ANKRD26: variants seen among roughly 807,000 people sequenced by gnomAD.
The protein encoded by ANKRD26 is ankyrin repeat domain 26, also known as ankyrin repeat domain-containing protein 26.
ANKRD26 carries 141 observed loss-of-function variants against 208.7 expected under a neutral mutation model. That is an observed-to-expected ratio of 0.68 (90% confidence interval 0.59 to 0.78). The LOEUF (loss-of-function observed/expected upper bound fraction) is 0.78, where lower values mean the gene tolerates loss of function less well. ANKRD26 is among the 30% of genes least tolerant of loss of function. The pLI is 0.00. For missense variants in ANKRD26, 1,889 were observed against 1,938.7 expected (o/e 0.97, Z 0.48); for synonymous variants, 636 against 660.4 (o/e 0.96, Z 0.57).
At chr10:27,001,674 C>T (rs1298211160), downstream of ANKRD26, among the ~76,000 whole-genome samples, 1 of 152,176 alleles carries the variant, frequency 6.6e-6, no homozygotes, top group Admixed American at 6.5e-5. Flanking sequence ...GCCATGTTGC[C>T]TGTTCCTTTA....
chr10:27,098,179 C>G (rs1202792001), intron 1 of ANKRD26, among the ~76,000 whole-genome samples: 2 of 151,060 alleles, frequency 1.3e-5, no homozygotes, highest in Non-Finnish European at 2.9e-5. Context: ...ATCTGCTTTA[C>G]CTTTCATTTT....
At chr10:27,087,386 G>A (rs182016916) in intron 4 of ANKRD26, among the ~76,000 whole-genome samples, 4 of 152,270 alleles carry the variant, frequency 2.6e-5, no homozygotes, top group African/African-American at 9.6e-5. Context: ...ATTTGTTCCT[G>A]AATTTTATTG....
intron 15 of ANKRD26, among the ~76,000 whole-genome samples, chr10:27,054,578 A>C (rs530067241): frequency 3.5e-4 from 53 of 152,258 alleles, no homozygotes; most frequent in East Asian, 1.2e-3. Context: ...CACACACACA[A>C]AAAAAGAATG....
downstream of ANKRD26, among the ~76,000 whole-genome samples, chr10:27,000,855 C>CA: frequency 6.6e-6 from 1 of 151,866 alleles, no homozygotes; most frequent in Admixed American, 6.6e-5. Context: ...AATGCAAAAT[C>CA]AAAATTAGCC....
In ANKRD26 at chr10:27,100,319, T is replaced by C. The variant is rs1157309219; in HGVS notation, c.8A>G (p.Lys3Arg). 3 of 1,607,738 alleles carry C rather than the reference T, an allele frequency of 1.9e-6. No individual in the cohort carries two copies. Among genetic ancestry groups the C allele is most frequent in the Admixed American group, 3.3e-5 (2 of 60,000 alleles). The part of the protein sequence containing the change: MK[K>R]IFSKKGESPL... ...CGACTCGCCCTTCTTACTAAAAATC[T>C]TCTTCATGGCCCAGGCGACCGGGCT... The change falls in exon 1 of 34, where the codon AAG becomes AGG. Residue 3 changes from lysine (K) to arginine (R), a missense_variant. Coordinates refer to ENST00000376087, the MANE Select transcript of ANKRD26 (RefSeq NM_014915.3).
chr10:27,054,295 G>A (rs973287513), intron 15 of ANKRD26, among the ~76,000 whole-genome samples: 3 of 152,128 alleles, frequency 2.0e-5, no homozygotes, highest in African/African-American at 7.2e-5. Flanking sequence ...TTTAAAGAAT[G>A]TAAATAAAAC....
intron 29 of ANKRD26, 137 bp from the exon 30 acceptor site, chr10:27,017,929 TG>T: frequency 1.2e-6 from 1 of 834,930 alleles, no homozygotes; most frequent in Non-Finnish European, 1.8e-6. Flanking sequence ...TCTTCAAATG[TG>T]GACCCTTAAA....
At chr10:27,053,881 T>C (rs564710301) in intron 15 of ANKRD26, among the ~76,000 whole-genome samples, 83 of 152,360 alleles carry the variant, frequency 5.4e-4, no homozygotes, top group African/African-American at 1.9e-3. Flanking sequence ...AGTATCTTTT[T>C]AACAAGGCAC....
Position 27,005,009 on chromosome 10 carries a change from T to G in ANKRD26, c.*581A>C. 1.0e-6 allele frequency: 1 copy of G among 980,280 alleles called. No individual in the cohort carries two copies. The highest frequency in any genetic ancestry group is 1.2e-6 in the Non-Finnish European group (1 of 825,202). The allele number at this position is 980,280 out of a possible 1,614,324, so 60.7% of individuals were successfully genotyped here. A position where few individuals can be genotyped will look rare whatever the true frequency, so the allele number is the denominator to read the frequency against. On this transcript the variant is annotated 3_prime_UTR_variant, in exon 34 of 34. Coordinates refer to ENST00000376087, the MANE Select transcript of ANKRD26 (RefSeq NM_014915.3). ...CTCAAATTGTTCGGAGGAGAAAGTC[T>G]TTGTACTAAAACTTCGAAATTTTCT...
At chr10:26,969,155 G>C (rs1294107610), downstream of ANKRD26, among the ~76,000 whole-genome samples, 2 of 151,982 alleles carry the variant, frequency 1.3e-5, no homozygotes, top group East Asian at 1.9e-4. Flanking sequence ...GATCCACTAG[G>C]GTCAATGAAG....
At chr10:26,949,853 AGAT>A in the ANKRD26 span, among the ~76,000 whole-genome samples, 10 of 152,258 alleles carry the variant, frequency 6.6e-5, no homozygotes, top group African/African-American at 2.4e-4. Flanking sequence ...CATTAAAATT[AGAT>A]GATAATATGT....
chr10:26,979,855 T>C (rs2052281633), intron 5 of ANKRD26, among the ~76,000 whole-genome samples: 1 of 152,192 alleles, frequency 6.6e-6, no homozygotes, highest in Non-Finnish European at 1.5e-5. Context: ...CGAGAGGGCT[T>C]TTCATTATTC....
chr10:27,084,980 TTGAGA>T (rs1317760315), intron 5 of ANKRD26, among the ~76,000 whole-genome samples: 1 of 151,902 alleles, frequency 6.6e-6, no homozygotes, highest in Non-Finnish European at 1.5e-5. Flanking sequence ...GAGCGCAGAG[TTGAGA>T]TATTTGAATA....
the ANKRD26 span, among the ~76,000 whole-genome samples, chr10:26,957,173 A>G: frequency 6.6e-6 from 1 of 152,154 alleles, no homozygotes; most frequent in South Asian, 2.1e-4. Context: ...TTTGTGAGGC[A>G]GAGGCAGGCA....
At position 27,033,414 on chromosome 10, in the gene ANKRD26, CTTA is replaced by C. The variant is rs747011231; in HGVS notation, c.3655-40_3655-38del. ...TTTTGTTACTGATTTTATAAATCAC[CTTA>C]TTATTAAGTTATGTTAAAAAATAAA... On this transcript the variant is annotated intron_variant, in intron 24 of 33. Coordinates refer to ENST00000376087, the MANE Select transcript of ANKRD26 (RefSeq NM_014915.3). 2.6e-5 allele frequency: 41 copies of C among 1,583,582 alleles called. No individual in the cohort carries two copies. In the African/African-American group the frequency reaches 4.2e-4, roughly 16 times the overall value.
intron 6 of ANKRD26, 108 bp from the exon 7 acceptor site, chr10:27,079,269 C>G (rs2055816233): frequency 2.4e-6 from 2 of 845,438 alleles, no homozygotes; most frequent in Non-Finnish European, 4.0e-6. Flanking sequence ...AAACAAAAAC[C>G]TGGTGAAAGG....
chr10:26,996,763 C>CATAA (rs2052602196), intron 4 of ANKRD26, among the ~76,000 whole-genome samples: 1 of 152,062 alleles, frequency 6.6e-6, no homozygotes, highest in African/African-American at 2.4e-5. Context: ...TGACTGTGAC[C>CATAA]ATAAGTGGGA....
At chr10:26,975,250 G>A (rs2052207477) in exon 6 of ANKRD26, among the ~76,000 whole-genome samples, 2 of 151,930 alleles carry the variant, frequency 1.3e-5, no homozygotes, top group African/African-American at 4.8e-5. Context: ...CTTTTTAGAG[G>A]TAGAGTCTCT....
intron 4 of ANKRD26, among the ~76,000 whole-genome samples, chr10:26,997,427 T>C (rs1320314617): frequency 6.6e-6 from 1 of 152,204 alleles, no homozygotes; most frequent in Non-Finnish European, 1.5e-5. Flanking sequence ...ACACTTTAAC[T>C]TCCTCAGAGC....
Sources: gnomAD v4.1 joint callset for allele counts (sites outside exome capture counted in the v4.1 genomes callset) on GRCh38, gnomAD v4.1.1 for gene constraint, MANE v1.5 for transcripts, NCBI Gene and HGNC (gene_info 2026-07-23, HGNC 2026-07-21) for gene names.